Variants in PRKG1 observed in about 807,000 individuals in gnomAD.
PRKG1 encodes protein kinase cGMP-dependent 1.
Under a neutral mutation model 88.1 loss-of-function variants are expected in PRKG1, and 35 were observed. The ratio of observed to expected loss-of-function variants is 0.40; its 90% confidence interval spans 0.30 to 0.53. The LOEUF (loss-of-function observed/expected upper bound fraction) is 0.53. Ranked by LOEUF, PRKG1 falls within the 20% of genes least tolerant of loss-of-function variation. The pLI is 0.59. For synonymous variants in PRKG1, 303 were observed against 292.5 expected (o/e 1.04, Z -0.37); for missense variants, 540 against 839.8 (o/e 0.64, Z 4.41).
intron 9 of PRKG1, among the ~76,000 whole-genome samples, chr10:52,245,749 T>TTTTATTTA (rs10552419): frequency 2.1e-4 from 29 of 138,114 alleles, no homozygotes; most frequent in South Asian, 4.8e-4. Flanking sequence ...GTTAACACCA[T>TTTTATTTA]TTTATTTATT....
At chr10:52,112,691 C>G (rs1399470150) in intron 7 of PRKG1, among the ~76,000 whole-genome samples, 1 of 152,024 alleles carries the variant, frequency 6.6e-6, no homozygotes. Context: ...TACAAGTGTC[C>G]CTGATTCCCA....
intron 9 of PRKG1, among the ~76,000 whole-genome samples, chr10:52,244,850 A>AT (rs66599448): frequency 0.86 from 114,147 of 132,812 alleles, 50,159 homozygotes; most frequent in East Asian, 1. Context: ...ATATTTAAAT[A>AT]TTTTTATATA....
intron 4 of PRKG1, among the ~76,000 whole-genome samples, chr10:51,811,974 G>T: frequency 6.6e-6 from 1 of 151,930 alleles, no homozygotes; most frequent in East Asian, 1.9e-4. Context: ...CAAATATTTT[G>T]AGTATTTGTA....
At chr10:51,314,121 T>A (rs1841261125) in intron 2 of PRKG1, among the ~76,000 whole-genome samples, 1 of 152,180 alleles carries the variant, frequency 6.6e-6, no homozygotes, top group Non-Finnish European at 1.5e-5. Flanking sequence ...TACACAGATA[T>A]ATTTGTGTAC....
chr10:51,439,901 G>C (rs1343087068), intron 2 of PRKG1, among the ~76,000 whole-genome samples: 1 of 151,878 alleles, frequency 6.6e-6, no homozygotes, highest in East Asian at 1.9e-4. Context: ...AGCTTTTGTT[G>C]AACTTGAAGA....
At chr10:51,916,594 T>C (rs936187900) in intron 5 of PRKG1, among the ~76,000 whole-genome samples, 12 of 152,188 alleles carry the variant, frequency 7.9e-5, no homozygotes, top group Non-Finnish European at 1.6e-4. Context: ...TTGTGTGATA[T>C]CCAAGAACCC....
chr10:51,677,992 G>A (rs74132552), intron 3 of PRKG1, among the ~76,000 whole-genome samples: 8,463 of 152,154 alleles, frequency 0.056, 532 homozygotes, highest in African/African-American at 0.15. Context: ...TTCCTTGTGA[G>A]TTGAGTAAAG....
intron 5 of PRKG1, among the ~76,000 whole-genome samples, chr10:51,987,623 A>G (rs1248903433): frequency 6.6e-6 from 1 of 152,136 alleles, no homozygotes; most frequent in East Asian, 1.9e-4. Flanking sequence ...CTGTAAAAAA[A>G]TGTATTCTAT....
intron 3 of PRKG1, among the ~76,000 whole-genome samples, chr10:51,537,507 C>T (rs556769194): frequency 6.1e-4 from 93 of 151,948 alleles, no homozygotes; most frequent in African/African-American, 2.1e-3. Context: ...CCAAGGCAGG[C>T]GGATCACAAG....
chr10:51,883,016 C>G (rs1445887919), intron 4 of PRKG1, among the ~76,000 whole-genome samples: 3 of 152,174 alleles, frequency 2.0e-5, no homozygotes, highest in African/African-American at 2.4e-5. Flanking sequence ...AGCATTTGAA[C>G]TGGTAGTAAG....
At chr10:52,145,734 A>C (rs1441638118) in intron 8 of PRKG1, among the ~76,000 whole-genome samples, 1 of 152,186 alleles carries the variant, frequency 6.6e-6, no homozygotes, top group African/African-American at 2.4e-5. Context: ...CTGGTGAGAC[A>C]GTTATTACAG....
rs192335737 is a variant in PRKG1, at chr10:51,122,140, A to G, written c.312-31024A>G. ...ACTAGCAGCTCTCTATTAAATGAGG[A>G]TGGCATTTGGCAGTTCAGGCTTTAG... is the stretch of plus-strand genomic sequence containing the variant. On this transcript the variant is annotated intron_variant, in intron 1 of 17. Coordinates refer to ENST00000373980, the MANE Select transcript of PRKG1 (RefSeq NM_006258.4). 3.9e-3 allele frequency among the ~76,000 whole-genome samples: 590 copies of G among 152,300 alleles called. 2 individuals are homozygous for G. The highest frequency in any genetic ancestry group is 0.014 in the African/African-American group (571 of 41,562).
Position 51,181,224 on chromosome 10 carries a change from ATTTTTTTT to A in PRKG1, c.478+27915_478+27922del, listed in dbSNP as rs1223588085. Among the ~76,000 whole-genome samples the A allele has an allele frequency of 5.5e-3, 431 of 78,270 alleles. 5 individuals are homozygous for A. Among genetic ancestry groups the A allele is most frequent in the East Asian group, 0.052 (137 of 2,630 alleles). 51.3% of individuals were successfully genotyped at this position (78,270 alleles called of 152,430 possible). ...AAGCTGACCAAGATTATTATATAGA[ATTTTTTTT>A]TTTTTTTTTTTTTTTTTTTTGAGAC... is the stretch of plus-strand genomic sequence containing the variant. On this transcript the variant is annotated intron_variant, in intron 2 of 17. Transcript: ENST00000373980.
chr10:51,475,633 T>C (rs902705665), intron 3 of PRKG1, among the ~76,000 whole-genome samples: 5 of 152,094 alleles, frequency 3.3e-5, no homozygotes, highest in African/African-American at 1.2e-4. Flanking sequence ...GTTGCATTTT[T>C]CTTTTAAGGA....
At chr10:51,603,883 G>T (rs1259323235) in intron 3 of PRKG1, among the ~76,000 whole-genome samples, 1 of 152,176 alleles carries the variant, frequency 6.6e-6, no homozygotes, top group East Asian at 1.9e-4. Context: ...CTCCTCTATT[G>T]TCTTCAAGAG....
intron 1 of PRKG1, among the ~76,000 whole-genome samples, chr10:51,080,313 G>A (rs1373949871): frequency 2.6e-5 from 4 of 152,146 alleles, no homozygotes; most frequent in Non-Finnish European, 4.4e-5. Flanking sequence ...CAGCTTCCTT[G>A]CTCTACTGGG....
At chr10:51,179,335 A>T (rs571998372) in intron 2 of PRKG1, among the ~76,000 whole-genome samples, 1 of 152,238 alleles carries the variant, frequency 6.6e-6, no homozygotes, top group Admixed American at 6.5e-5. Context: ...AATGGATTAT[A>T]TAGAATAGTA....
chr10:51,315,178 A>T (rs1172787365), intron 2 of PRKG1, among the ~76,000 whole-genome samples: 1 of 152,158 alleles, frequency 6.6e-6, no homozygotes, highest in Admixed American at 6.6e-5. Flanking sequence ...AAACTGATTG[A>T]TTTCTTGAGA....
intron 1 of PRKG1, among the ~76,000 whole-genome samples, chr10:51,029,927 GATAATA>G (rs1843259424): frequency 6.6e-6 from 1 of 151,988 alleles, no homozygotes; most frequent in African/African-American, 2.4e-5. Flanking sequence ...TTATGATTGC[GATAATA>G]ATAATAATTA....
Sources: gnomAD v4.1 joint callset for allele counts (sites outside exome capture counted in the v4.1 genomes callset) on GRCh38, gnomAD v4.1.1 for gene constraint, MANE v1.5 for transcripts, NCBI Gene and HGNC (gene_info 2026-07-23, HGNC 2026-07-21) for gene names.